The following RNF38 variants were observed in gnomAD, a reference collection of about 807,000 sequenced individuals.
RNF38 encodes the protein ring finger protein 38.
In RNF38, 15 loss-of-function variants were observed where a neutral mutation model predicts 67.2. That is an observed-to-expected ratio of 0.22 (90% CI 0.15 to 0.34). The LOEUF is 0.34. RNF38 is among the 10% of genes least tolerant of loss of function. RNF38 has a pLI of 1.00. For synonymous variants in RNF38, 220 were observed against 218.8 expected, an observed-to-expected ratio of 1.01 and a Z score of -0.05; for missense variants, 524 against 639.9, an observed-to-expected ratio of 0.82 and a Z score of 1.95.
Position 36,353,245 on chromosome 9 carries a change from G to T in RNF38, c.996C>A (p.Pro332=). ...GGFTYPPSAH[P]PTLPPSAPLQ... is the part of the protein sequence containing the mutation. Reference sequence around the variant, plus strand: ...AGGGAGCTGATGGAGGTAATGTTGGGGGGTGGGCTGATGGAGGGTAAGTAA... The same window carrying T: ...AGGGAGCTGATGGAGGTAATGTTGGTGGGTGGGCTGATGGAGGGTAAGTAA... The change falls in exon 7 of 12, where the codon CCC becomes CCA. Residue 332 remains proline, a synonymous_variant. Transcript: ENST00000259605. The T allele has an allele frequency of 1.2e-6, 2 of 1,612,976 alleles. No individual in the cohort carries two copies. The highest frequency in any genetic ancestry group is 1.1e-5 in the South Asian group (1 of 91,046).
intron 1 of RNF38, among the ~76,000 whole-genome samples, chr9:36,452,044 C>T (rs780735266): frequency 6.6e-5 from 10 of 151,814 alleles, no homozygotes; most frequent in Non-Finnish European, 1.3e-4. Flanking sequence ...TAGTGAGATC[C>T]CATCTCTACT....
chr9:36,428,233 G>A lies in RNF38; in HGVS notation n.242-3550C>T, dbSNP rs1352969122. 3.3e-5 allele frequency among the ~76,000 whole-genome samples: 5 copies of A among 151,724 alleles called. No individual in the cohort carries two copies. The South Asian group carries it at 6.3e-4, about 19-fold the overall frequency. On this transcript the variant is annotated intron_variant and non_coding_transcript_variant, in intron 1 of 3. Coordinates refer to the RNF38 transcript ENST00000488058. Reference sequence around the variant, plus strand: ...AGATGGAGACCATCCTGGCTAACACGGTGAAAGCCTGTCTCTACTAAAAAT... The same window carrying A: ...AGATGGAGACCATCCTGGCTAACACAGTGAAAGCCTGTCTCTACTAAAAAT...
intron 1 of RNF38, among the ~76,000 whole-genome samples, chr9:36,397,104 G>T (rs1418689556): frequency 2.6e-3 from 357 of 135,280 alleles, no homozygotes; most frequent in East Asian, 5.3e-3. Context: ...TATATGTTTT[G>T]TTTTTTTTTT....
chr9:36,349,982 C>G (rs931193343), intron 9 of RNF38, among the ~76,000 whole-genome samples: 8 of 152,206 alleles, frequency 5.3e-5, no homozygotes, highest in African/African-American at 1.7e-4. Flanking sequence ...CCACGCCTCG[C>G]TAATTTTAGT....
chr9:36,354,355 C>T (rs1013374538), intron 6 of RNF38, among the ~76,000 whole-genome samples: 2 of 152,180 alleles, frequency 1.3e-5, no homozygotes, highest in Non-Finnish European at 2.9e-5. Flanking sequence ...CCACACCTGG[C>T]TACTTTTTTG....
chr9:36,390,879 A>G (rs977743856), intron 1 of RNF38, among the ~76,000 whole-genome samples: 6 of 152,232 alleles, frequency 3.9e-5, no homozygotes, highest in African/African-American at 1.2e-4. Context: ...CCAAATACCT[A>G]TTGGTAACTT....
intron 4 of RNF38, among the ~76,000 whole-genome samples, chr9:36,359,133 T>G (rs1390570679): frequency 1.3e-5 from 2 of 152,214 alleles, no homozygotes; most frequent in East Asian, 3.9e-4. Context: ...CCATCGATCC[T>G]CTAGGTTGTC....
At chr9:36,349,130 T>C (rs891012010) in intron 9 of RNF38, among the ~76,000 whole-genome samples, 12 of 152,210 alleles carry the variant, frequency 7.9e-5, no homozygotes, top group African/African-American at 2.9e-4. Context: ...TTAAGACAAC[T>C]TGAGACTTGT....
At chr9:36,420,531 C>A (rs1488528178) in intron 2 of RNF38, among the ~76,000 whole-genome samples, 1 of 28,974 alleles carries the variant, frequency 3.5e-5, no homozygotes, top group Non-Finnish European at 1.1e-4. Flanking sequence ...GACTCTGTCT[C>A]CAAAAAAAAA....
At chr9:36,400,328 G>A, upstream of RNF38, 1 of 1,251,000 alleles carries the variant, frequency 8.0e-7, no homozygotes, top group Non-Finnish European at 1.0e-6. Flanking sequence ...CATTTCACCT[G>A]CGTCTCGGCA....
rs753751185 is a variant in RNF38, at chr9:36,375,994, C to T, written c.296G>A (p.Arg99Gln). 1.2e-6 allele frequency: 2 copies of T among 1,613,026 alleles called. No homozygotes were observed. The highest frequency in any genetic ancestry group is 1.7e-6 in the Non-Finnish European group (2 of 1,179,632). Residue 99 changes from arginine (R) to glutamine (Q), a missense_variant, in exon 3 of 12, where the codon CGA (arginine) becomes CAA (glutamine). Transcript: ENST00000259605. ...CCCTGAGAAGTGATGTTGGCTTGGT[C>T]GAACTGAAGGGGGCTGCCTATTTGA... ...MTSNRQPPSV[R>Q]PSQHHFSGER...
At chr9:36,398,464 G>C (rs1040158638) in intron 1 of RNF38, among the ~76,000 whole-genome samples, 1 of 152,168 alleles carries the variant, frequency 6.6e-6, no homozygotes, top group African/African-American at 2.4e-5. Flanking sequence ...GGAAGAGACT[G>C]TGTACATGAC....
intron 1 of RNF38, among the ~76,000 whole-genome samples, chr9:36,437,082 C>T (rs1046043727): frequency 6.6e-6 from 1 of 152,112 alleles, no homozygotes; most frequent in East Asian, 1.9e-4. Flanking sequence ...CTTAACAAGG[C>T]CACTTGGGCT....
At chr9:36,401,210 G>C, upstream of RNF38, 2 of 983,378 alleles carry the variant, frequency 2.0e-6, no homozygotes, top group Non-Finnish European at 2.4e-6. Flanking sequence ...GGGCGGGGCG[G>C]GGCGGGGCGG....
intron 1 of RNF38, among the ~76,000 whole-genome samples, chr9:36,459,256 G>A (rs1839667950): frequency 6.6e-6 from 1 of 151,684 alleles, no homozygotes; most frequent in Admixed American, 6.6e-5. Context: ...GCTACACACT[G>A]AAAAGACTGG....
chr9:36,368,688 A>C (rs1463479989), intron 4 of RNF38, among the ~76,000 whole-genome samples: 1 of 152,206 alleles, frequency 6.6e-6, no homozygotes, highest in East Asian at 1.9e-4. Context: ...AATGTCTGGC[A>C]TAAGAAGAGT....
chr9:36,379,160 A>G (rs761940451), intron 2 of RNF38, among the ~76,000 whole-genome samples: 2 of 152,168 alleles, frequency 1.3e-5, no homozygotes, highest in Non-Finnish European at 2.9e-5. Flanking sequence ...TTGGCCTCCC[A>G]AAGTGTTGGG....
chr9:36,482,048 CTTT>C (rs767211095), intron 1 of RNF38, among the ~76,000 whole-genome samples: 15 of 119,290 alleles, frequency 1.3e-4, no homozygotes, highest in African/African-American at 3.5e-4. Context: ...ATACTTTTGT[CTTT>C]TTTTTTTTTT....
intron 1 of RNF38, among the ~76,000 whole-genome samples, chr9:36,439,790 CAAAAAAA>C (rs1156589143): frequency 1.3e-5 from 1 of 76,352 alleles, no homozygotes; most frequent in Admixed American, 1.5e-4. Flanking sequence ...GACTCTGTCT[CAAAAAAA>C]AAAAAAAAAA....
Sources: allele counts gnomAD v4.1 joint callset (sites outside exome capture counted in the v4.1 genomes callset), GRCh38; gene constraint gnomAD v4.1.1; transcripts MANE v1.5; gene names NCBI Gene and HGNC (gene_info 2026-07-23, HGNC 2026-07-21).